The following COL17A1 variants were observed in gnomAD, a reference collection of about 807,000 sequenced individuals.
COL17A1 encodes collagen alpha-1(XVII) chain.
COL17A1 carries 181 observed loss-of-function variants against 218.4 expected under a neutral mutation model. The ratio of observed to expected loss-of-function variants is 0.83; its 90% CI spans 0.73 to 0.94. The LOEUF (loss-of-function observed/expected upper bound fraction) is 0.94, where lower values mean the gene tolerates loss of function less well. Among genes scored for constraint, COL17A1 ranks in the 40% least tolerant of loss-of-function variants. The pLI is 0.00. For synonymous variants in COL17A1, 721 were observed against 731.0 expected (o/e 0.99, Z 0.22); for missense variants, 1,924 against 1,945.9 (o/e 0.99, Z 0.21).
chr10:104,038,160 T>C (rs2086319660), intron 45 of COL17A1, among the ~76,000 whole-genome samples: 1 of 151,800 alleles, frequency 6.6e-6, no homozygotes, highest in African/African-American at 2.4e-5. Flanking sequence ...AAGGCTGGTG[T>C]TGGGGAGCTC....
chr10:104,042,288 GC>G, intron 36 of COL17A1, 131 bp downstream of exon 36: 1 of 925,348 alleles, frequency 1.1e-6, no homozygotes. Flanking sequence ...CCGGTGAAGA[GC>G]CCTGGCCCTG....
In COL17A1 at chr10:104,076,391, T is replaced by C. The variant is rs1408334953; in HGVS notation, c.241A>G (p.Arg81Gly). Residue 81 changes from arginine to glycine, a missense_variant, in exon 5 of 56, where the codon AGG becomes GGG. Physicochemically the swap from Arg to Gly is moderately radical, Grantham distance 125 (BLOSUM62 -2). Coordinates refer to ENST00000648076, the MANE Select transcript of COL17A1 (RefSeq NM_000494.4). Reference sequence around the variant, plus strand: ...GTGGAGGCAGGTGAGTGAGCCCTCCTGTAACTAGAGGTGGAGGCATGGCCT... The same window carrying C: ...GTGGAGGCAGGTGAGTGAGCCCTCCCGTAACTAGAGGTGGAGGCATGGCCT... ...TRGHASTSSY[R>G]RAHSPASTLP... The C allele has an allele frequency of 4.3e-6, 7 of 1,614,060 alleles. No homozygotes were observed. Among genetic ancestry groups the C allele is most frequent in the African/African-American group, 1.3e-5 (1 of 74,896 alleles).
intron 18 of COL17A1, 63 bp from the exon 19 acceptor site, chr10:104,055,464 A>T (rs1222644055): frequency 6.7e-7 from 1 of 1,496,736 alleles, no homozygotes; most frequent in African/African-American, 1.4e-5. Context: ...ACACACACAC[A>T]CACACACACA....
At chr10:104,050,165 G>A (rs1182555626) in intron 27 of COL17A1, 41 bp from the exon 28 acceptor site, 1 of 1,613,612 alleles carries the variant, frequency 6.2e-7, no homozygotes, top group Admixed American at 1.7e-5. Context: ...CCACAGTTGT[G>A]AGCAAGGAAA....
chr10:104,031,771 A>G lies in COL17A1; in HGVS notation c.*464T>C, dbSNP rs1000101551. On this transcript the variant is annotated 3_prime_UTR_variant, in exon 56 of 56. Coordinates refer to ENST00000648076, the MANE Select transcript of COL17A1 (RefSeq NM_000494.4). The stretch of plus-strand genomic sequence containing the variant: ...AGAATGCAGAATGAACAGGGGAGGA[A>G]GGAGCTGATGGCACAGCCTTAGAAC... The G allele has an allele frequency of 5.1e-5, 9 of 177,088 alleles. No individual in the cohort carries two copies. The highest frequency in any genetic ancestry group is 1.6e-4 in the Admixed American group (3 of 18,532). The allele number at this position is 177,088 out of a possible 1,614,324, so 11.0% of individuals were successfully genotyped here. A position where few individuals can be genotyped will look rare whatever the true frequency, so the allele number is the denominator to read the frequency against.
chr10:104,045,785 C>T lies in COL17A1; in HGVS notation c.2371G>A (p.Gly791Ser), dbSNP rs375127939. The T allele has an allele frequency of 1.7e-5, 28 of 1,612,544 alleles. No homozygotes were observed. The highest frequency in any genetic ancestry group is 2.2e-5 in the East Asian group (1 of 44,896). ...TGPQGPQGLP[G>S]TPGRPGIKGE... ...TTTATTCCTGGTCGGCCAGGGGTAC[C>T]GGGAAGTCCTGATGTGATTAGAACA... The change falls in exon 33 of 56, where the codon GGT (glycine) becomes AGT (serine). Residue 791 changes from glycine (G) to serine (S), a missense_variant. Physicochemically the swap from Gly to Ser is moderately conservative, Grantham distance 56. Transcript: ENST00000648076.
chr10:104,048,141 G>A (rs780824342), intron 29 of COL17A1, 37 bp from the exon 30 acceptor site: 5 of 1,612,554 alleles, frequency 3.1e-6, no homozygotes, highest in Non-Finnish European at 3.4e-6. Context: ...AGTTGCTCCT[G>A]GAGTGATTTC....
At chr10:104,037,905 A>G (rs2086317102) in intron 45 of COL17A1, 132 bp from the exon 46 acceptor site, 2 of 1,126,920 alleles carry the variant, frequency 1.8e-6, no homozygotes, top group Admixed American at 4.1e-5. Flanking sequence ...GCCAGGAGGG[A>G]GCCTAGACTT....
rs149012179 is a variant in COL17A1 at position 104,064,574 on chromosome 10, C to G, written c.630G>C (p.Thr210=). The part of the protein sequence containing the change: ...SQSVSGTYDA[T]ILDANLPSHV... ...GGGAGGGAAGGTTGGCATCCAGGATCGTTGCATCGTAGGTGCCTGACACTG... is the reference window on the plus strand; with the variant it reads ...GGGAGGGAAGGTTGGCATCCAGGATGGTTGCATCGTAGGTGCCTGACACTG... Residue 210 remains threonine, a synonymous_variant, in exon 10 of 56, where the codon ACG becomes ACC. Transcript: ENST00000648076. The G allele has an allele frequency of 1.2e-6, 2 of 1,613,608 alleles. No individual in the cohort carries two copies. The highest frequency in any genetic ancestry group is 2.7e-5 in the African/African-American group (2 of 74,904).
chr10:104,031,456 G>T lies in COL17A1; in HGVS notation c.*779C>A, dbSNP rs941633381. On this transcript the variant is annotated 3_prime_UTR_variant, in exon 56 of 56. Coordinates refer to ENST00000648076, the MANE Select transcript of COL17A1 (RefSeq NM_000494.4). ...AGAATGGAGGGTGACGTCTTGAGCT[G>T]ATGCTGTGTCCCCAGCATCAGGTTT... 1 of 152,610 alleles carries T rather than the reference G, an allele frequency of 6.6e-6. No homozygotes were observed. Among genetic ancestry groups the T allele is most frequent in the South Asian group, 2.1e-4 (1 of 4,822 alleles). The allele number at this position is 152,610 out of a possible 1,614,324, so 9.5% of individuals were successfully genotyped here.
chr10:104,060,028 C>T lies in COL17A1; in HGVS notation c.1141+91G>A, dbSNP rs966354026. 12 of 1,587,298 alleles carry T rather than the reference C, an allele frequency of 7.6e-6. No homozygotes were observed. In the African/African-American group the frequency reaches 1.1e-4, roughly 14 times the overall value. On this transcript the variant is annotated intron_variant, in intron 14 of 55. Coordinates refer to ENST00000648076, the MANE Select transcript of COL17A1 (RefSeq NM_000494.4). ...ATGGGATGGCTATGGTTTCATGACT[C>T]ATAGGGTCCCAAACCACCTTGCTAG...
At chr10:104,083,108 A>AT (rs1433740898) in intron 1 of COL17A1, among the ~76,000 whole-genome samples, 4 of 152,344 alleles carry the variant, frequency 2.6e-5, no homozygotes, top group African/African-American at 7.2e-5. Flanking sequence ...GAAACTTTCT[A>AT]TAAGTGAGTT....
At chr10:104,034,497 G>A (rs974183643) in intron 51 of COL17A1, 124 bp downstream of exon 51, 31 of 1,505,742 alleles carry the variant, frequency 2.1e-5, no homozygotes, top group South Asian at 2.5e-5. Flanking sequence ...GAAGGAAACC[G>A]GGCTTACCCC....
chr10:104,040,214 C>T, intron 40 of COL17A1, 137 bp downstream of exon 40: 1 of 914,458 alleles, frequency 1.1e-6, no homozygotes. Flanking sequence ...CTCCAGGCTG[C>T]TGAGTTCCTA....
At chr10:104,036,243 A>T (rs985021791) in intron 48 of COL17A1, among the ~76,000 whole-genome samples, 64 of 1,154 alleles carry the variant, frequency 0.055, no homozygotes, top group African/African-American at 0.14. Flanking sequence ...AGTGTGTGTG[A>T]GAGAGAGAGA....
At chr10:104,042,391 G>C (rs1418277028) in intron 36 of COL17A1, 29 bp downstream of exon 36, 3 of 1,613,602 alleles carry the variant, frequency 1.9e-6, no homozygotes, top group Non-Finnish European at 2.5e-6. Context: ...TGGGCCCATC[G>C]CTTTGCATTC....
chr10:104,036,155 A>T (rs1430960123), intron 48 of COL17A1, among the ~76,000 whole-genome samples: 1 of 628 alleles, frequency 1.6e-3, no homozygotes. Context: ...GGTGTATGGG[A>T]GTGTGAGTAT....
intron 19 of COL17A1, 64 bp from the exon 20 acceptor site, chr10:104,055,071 T>C (rs2086507173): frequency 2.5e-6 from 4 of 1,608,298 alleles, no homozygotes; most frequent in Admixed American, 3.4e-5. Flanking sequence ...TACTCTGCCT[T>C]GTATTTTAAA....
Position 104,043,942 on chromosome 10 carries a change from T to C in COL17A1, c.2399-82A>G, listed in dbSNP as rs2086385697. On this transcript the variant is annotated intron_variant, in intron 33 of 55. Coordinates refer to ENST00000648076, the MANE Select transcript of COL17A1 (RefSeq NM_000494.4). ...ATAAGCCATTTTCAAGGCTTCTGAT[T>C]GCATTTGGGACCCACTTCTGGGCCT... The C allele has an allele frequency of 2.7e-6, 4 of 1,493,226 alleles. No individual in the cohort carries two copies. The East Asian group carries it at 9.0e-5, about 34-fold the overall frequency. 92.5% of individuals were successfully genotyped at this position (1,493,226 alleles called of 1,614,324 possible).
Sources: gnomAD v4.1 joint callset for allele counts (sites outside exome capture counted in the v4.1 genomes callset) on GRCh38, gnomAD v4.1.1 for gene constraint, MANE v1.5 for transcripts, NCBI Gene and HGNC (gene_info 2026-07-23, HGNC 2026-07-21) for gene names.